Variants in HMGA2 observed in about 807,000 individuals in gnomAD.
HMGA2 encodes high mobility group AT-hook 2, also known as high mobility group protein HMGI-C.
HMGA2 carries 8 observed loss-of-function variants against 19.1 expected under a neutral mutation model. That is an observed-to-expected ratio of 0.42 (90% confidence interval 0.25 to 0.76). The LOEUF is 0.76. Ranked by LOEUF, HMGA2 falls within the 30% of genes least tolerant of loss-of-function variation. The probability of loss-of-function intolerance (pLI) is 0.28; values close to 1 mark genes in which losing one functional copy is unlikely to be tolerated. For synonymous variants in HMGA2, 60 were observed against 48.8 expected, an observed-to-expected ratio of 1.23 and a Z score of -0.96; for missense variants, 109 against 136.3, an observed-to-expected ratio of 0.80 and a Z score of 1.00.
rs772035192 is a variant in HMGA2 at position 65,911,608 on chromosome 12, C to T, written c.250-39775C>T. On this transcript the variant is annotated intron_variant, in intron 3 of 4. Transcript: ENST00000403681. ...ATTCCTTCTATTCTCTTAGCATGTT[C>T]GATTCCACAAACACGGCTTATTCCA... 5.9e-5 allele frequency among the ~76,000 whole-genome samples: 9 copies of T among 152,252 alleles called. No individual in the cohort carries two copies. The South Asian group carries it at 8.3e-4, about 14-fold the overall frequency.
Position 65,935,701 on chromosome 12 carries a change from G to A in HMGA2, c.250-15682G>A, listed in dbSNP as rs1031450048. On this transcript the variant is annotated intron_variant, in intron 3 of 4. Transcript: ENST00000403681. Reference sequence around the variant, plus strand: ...TGAAATTCTAATTTTGTAACTTGCTGAGAGTTATTTTTAGAGAGTGGTAAC... The same window carrying A: ...TGAAATTCTAATTTTGTAACTTGCTAAGAGTTATTTTTAGAGAGTGGTAAC... Among the ~76,000 whole-genome samples the A allele has an allele frequency of 2.0e-5, 3 of 152,186 alleles. No homozygotes were observed. The East Asian group carries it at 5.8e-4, about 29-fold the overall frequency.
At chr12:65,863,383 T>C (rs1368569348) in intron 3 of HMGA2, among the ~76,000 whole-genome samples, 1 of 152,176 alleles carries the variant, frequency 6.6e-6, no homozygotes, top group Non-Finnish European at 1.5e-5. Flanking sequence ...GTCCCGGGTG[T>C]GTTTAAACTG....
intron 2 of HMGA2, among the ~76,000 whole-genome samples, chr12:65,833,769 C>T (rs968236722): frequency 1.3e-5 from 2 of 152,198 alleles, no homozygotes; most frequent in African/African-American, 4.8e-5. Context: ...GTTCTACTAC[C>T]TGTGAACATG....
At chr12:65,838,375 G>A (rs1272040451) in intron 2 of HMGA2, 144 bp from the exon 3 acceptor site, 7 of 647,104 alleles carry the variant, frequency 1.1e-5, no homozygotes, top group East Asian at 2.8e-5. Context: ...TAGAGGAGAC[G>A]AAGTTTGTTA....
At chr12:65,935,995 G>GA (rs1250051651) in intron 3 of HMGA2, among the ~76,000 whole-genome samples, 3 of 152,012 alleles carry the variant, frequency 2.0e-5, no homozygotes, top group South Asian at 4.1e-4. Flanking sequence ...GTAATATTAT[G>GA]AAAAAAAGCT....
At chr12:65,912,307 A>T (rs932196109) in intron 3 of HMGA2, among the ~76,000 whole-genome samples, 4 of 152,164 alleles carry the variant, frequency 2.6e-5, no homozygotes, top group African/African-American at 7.2e-5. Context: ...AGCTTTAAAA[A>T]TTTTCAGTGC....
At chr12:65,912,050 C>T (rs1874868966) in intron 3 of HMGA2, among the ~76,000 whole-genome samples, 1 of 152,016 alleles carries the variant, frequency 6.6e-6, no homozygotes, top group South Asian at 2.1e-4. Flanking sequence ...GCTGGTGATC[C>T]CTGATTTAGA....
intron 3 of HMGA2, among the ~76,000 whole-genome samples, chr12:65,900,274 T>A (rs1874317008): frequency 6.6e-6 from 1 of 152,186 alleles, no homozygotes. Context: ...CTTAATGCAC[T>A]CTAAATTTGT....
chr12:65,858,726 A>G (rs979061448), intron 3 of HMGA2: 3 of 152,234 alleles, frequency 2.0e-5, no homozygotes, highest in Non-Finnish European at 4.4e-5. Context: ...ATGCTTTAAC[A>G]TAAAACCACA....
intron 1 of HMGA2, among the ~76,000 whole-genome samples, chr12:65,827,196 T>G (rs910306424): frequency 1.3e-5 from 2 of 152,190 alleles, no homozygotes; most frequent in African/African-American, 4.8e-5. Context: ...TCCCAGACAC[T>G]CCATTCCTCC....
intron 3 of HMGA2, among the ~76,000 whole-genome samples, chr12:65,937,646 C>T (rs1592457418): frequency 1.3e-5 from 2 of 152,230 alleles, no homozygotes; most frequent in African/African-American, 4.8e-5. Context: ...TCTGGATTTG[C>T]CAGAGGAAAA....
At chr12:65,929,085 G>A (rs1875617500) in intron 3 of HMGA2, among the ~76,000 whole-genome samples, 1 of 152,118 alleles carries the variant, frequency 6.6e-6, no homozygotes, top group Admixed American at 6.6e-5. Flanking sequence ...CAGAGAAGTG[G>A]CCAAGTTTTT....
At chr12:65,906,043 A>C (rs1406693517) in intron 3 of HMGA2, among the ~76,000 whole-genome samples, 1 of 152,248 alleles carries the variant, frequency 6.6e-6, no homozygotes, top group Admixed American at 6.5e-5. Context: ...CTGCATTAAA[A>C]ACCAGCCAGA....
intron 3 of HMGA2, among the ~76,000 whole-genome samples, chr12:65,877,590 C>T (rs578073676): frequency 5.8e-4 from 88 of 152,292 alleles, no homozygotes; most frequent in South Asian, 3.1e-3. Flanking sequence ...GCCATGCTGA[C>T]CTTTCCCCTT....
chr12:65,871,525 G>T (rs1872709839), intron 3 of HMGA2, among the ~76,000 whole-genome samples: 1 of 152,204 alleles, frequency 6.6e-6, no homozygotes, highest in Non-Finnish European at 1.5e-5. Context: ...TGGCCTCCAG[G>T]TATTATTTGT....
chr12:65,947,863 C>T (rs574696050), intron 3 of HMGA2, among the ~76,000 whole-genome samples: 4 of 152,308 alleles, frequency 2.6e-5, no homozygotes, highest in Non-Finnish European at 4.4e-5. Context: ...TTGTCCCCTG[C>T]GATTCACTTT....
intron 3 of HMGA2, among the ~76,000 whole-genome samples, chr12:65,863,246 A>G (rs992626975): frequency 1.3e-5 from 2 of 152,210 alleles, no homozygotes; most frequent in African/African-American, 4.8e-5. Context: ...TACAGAATGG[A>G]GCATTTCTGT....
At chr12:65,924,691 A>G (rs919867039) in intron 3 of HMGA2, among the ~76,000 whole-genome samples, 7 of 152,108 alleles carry the variant, frequency 4.6e-5, no homozygotes, top group African/African-American at 1.7e-4. Flanking sequence ...CCACCTACTC[A>G]GGAGGCTGAG....
intron 3 of HMGA2, chr12:65,843,154 C>T (rs921915995): frequency 4.4e-6 from 1 of 225,752 alleles, no homozygotes; most frequent in Non-Finnish European, 8.8e-6. Flanking sequence ...TAAGATTGAC[C>T]TAGAAATTGA....
Sources: gnomAD v4.1 joint callset for allele counts (sites outside exome capture counted in the v4.1 genomes callset) on GRCh38, gnomAD v4.1.1 for gene constraint, MANE v1.5 for transcripts, NCBI Gene and HGNC (gene_info 2026-07-23, HGNC 2026-07-21) for gene names.